MAP3K9: variants seen among roughly 807,000 people sequenced by gnomAD.
MAP3K9 encodes the protein mixed lineage kinase 1 (tyr and ser/thr specificity).
A neutral mutation model predicts 95.8 loss-of-function variants in MAP3K9; 46 were observed. The observed-to-expected ratio is 0.48, with a 90% CI of 0.38 to 0.61. The LOEUF is 0.61. MAP3K9 is among the 20% of genes least tolerant of loss of function. MAP3K9 has a pLI of 0.00. For synonymous variants in MAP3K9, 533 were observed against 593.8 expected, an observed-to-expected ratio of 0.90 and a Z score of 1.49; for missense variants, 1,296 against 1,474.3, an observed-to-expected ratio of 0.88 and a Z score of 1.98.
intron 2 of MAP3K9, among the ~76,000 whole-genome samples, chr14:70,796,603 GGC>G (rs2054866968): frequency 6.6e-6 from 1 of 152,156 alleles, no homozygotes; most frequent in Admixed American, 6.5e-5. Flanking sequence ...GTGATGGCCA[GGC>G]GACCACACTC....
intron 2 of MAP3K9, among the ~76,000 whole-genome samples, chr14:70,781,332 C>T (rs2054673379): frequency 6.6e-6 from 1 of 152,224 alleles, no homozygotes; most frequent in Non-Finnish European, 1.5e-5. Context: ...CCAGCTTCTC[C>T]CAGCTCAGGC....
At chr14:70,798,636 G>A (rs950719571) in intron 2 of MAP3K9, among the ~76,000 whole-genome samples, 2 of 150,896 alleles carry the variant, frequency 1.3e-5, no homozygotes, top group South Asian at 2.1e-4. Context: ...CCGCCACTAC[G>A]CCCGGCTAAT....
chr14:70,781,870 T>C lies in MAP3K9; in HGVS notation c.820+18797A>G, dbSNP rs557877771. Among the ~76,000 whole-genome samples the C allele has an allele frequency of 3.7e-4, 57 of 152,338 alleles. No homozygotes were observed. In the Middle Eastern group the frequency reaches 0.01, roughly 27 times the overall value. On this transcript the variant is annotated intron_variant, in intron 2 of 11. Coordinates refer to ENST00000554752, the MANE Select transcript of MAP3K9 (RefSeq NM_001284230.2). ...ACTTAGAAAGAGGAGCTGTTTCACATGGAAGACTCAACTTCTTGGGAGCAT... is the reference window on the plus strand; with the variant it reads ...ACTTAGAAAGAGGAGCTGTTTCACACGGAAGACTCAACTTCTTGGGAGCAT...
intron 3 of MAP3K9, among the ~76,000 whole-genome samples, chr14:70,750,651 A>T (rs1398458515): frequency 2.0e-5 from 3 of 151,902 alleles, no homozygotes; most frequent in Admixed American, 1.3e-4. Context: ...CGCCCGGCTA[A>T]TTTTTGTATT....
At chr14:70,783,873 C>T (rs891116983) in intron 2 of MAP3K9, among the ~76,000 whole-genome samples, 8 of 152,208 alleles carry the variant, frequency 5.3e-5, no homozygotes, top group Admixed American at 1.3e-4. Flanking sequence ...AATTAACAGA[C>T]GTGTCCAAAC....
In MAP3K9 at chr14:70,808,871, G is replaced by T; in HGVS notation, c.301C>A (p.Gln101Lys). ...TTGCTGGGGAAGATGCCCACCCGCTGGTTCAGCTGCCCGGTCCACCAGCCC... is the reference window on the plus strand; with the variant it reads ...TTGCTGGGGAAGATGCCCACCCGCTTGTTCAGCTGCCCGGTCCACCAGCCC... ...DEGWWTGQLNQRVGIFPSNYV... is the reference protein window; with the variant it reads ...DEGWWTGQLNKRVGIFPSNYV... Residue 101 changes from glutamine to lysine, a missense_variant, in exon 1 of 12, where the codon CAG (glutamine) becomes AAG (lysine). Gln to Lys is a moderately conservative substitution (Grantham distance 53). Transcript: ENST00000554752. 1 of 1,600,322 alleles carries T rather than the reference G, an allele frequency of 6.2e-7. No individual in the cohort carries two copies. The highest frequency in any genetic ancestry group is 8.5e-7 in the Non-Finnish European group (1 of 1,176,138).
intron 5 of MAP3K9, among the ~76,000 whole-genome samples, chr14:70,743,802 C>T (rs916626776): frequency 6.6e-6 from 1 of 152,212 alleles, no homozygotes; most frequent in African/African-American, 2.4e-5. Flanking sequence ...TGTGGCAACT[C>T]CTCAAGGATC....
At chr14:70,759,952 C>T (rs1203126422) in intron 3 of MAP3K9, among the ~76,000 whole-genome samples, 4 of 152,020 alleles carry the variant, frequency 2.6e-5, no homozygotes, top group Non-Finnish European at 4.4e-5. Flanking sequence ...ATGGGGGTCT[C>T]GCTATGTTGC....
At chr14:70,761,553 AG>A (rs1028646712) in intron 2 of MAP3K9, among the ~76,000 whole-genome samples, 28 of 152,296 alleles carry the variant, frequency 1.8e-4, no homozygotes, top group African/African-American at 5.8e-4. Flanking sequence ...ACCTGAGATT[AG>A]GAGTTTGACA....
At position 70,797,804 on chromosome 14, in the gene MAP3K9, A is replaced by G. The variant is rs551268328; in HGVS notation, c.820+2863T>C. Among the ~76,000 whole-genome samples the G allele has an allele frequency of 2.6e-5, 4 of 152,322 alleles. No individual in the cohort carries two copies. The South Asian group carries it at 8.3e-4, about 32-fold the overall frequency. On this transcript the variant is annotated intron_variant, in intron 2 of 11. Coordinates refer to ENST00000554752, the MANE Select transcript of MAP3K9 (RefSeq NM_001284230.2). Reference sequence around the variant, plus strand: ...ATTGCAATGGAGTAAGAATGGTGGTATCATCGAGGCTCATATTAGACGTAT... The same window carrying G: ...ATTGCAATGGAGTAAGAATGGTGGTGTCATCGAGGCTCATATTAGACGTAT...
chr14:70,759,085 T>C lies in MAP3K9; in HGVS notation c.1001+1917A>G, dbSNP rs149883001. 6.4e-3 allele frequency among the ~76,000 whole-genome samples: 967 copies of C among 151,624 alleles called. 11 individuals are homozygous for C. The highest frequency in any genetic ancestry group is 0.021 in the African/African-American group (880 of 41,280). ...AAGGAAATTAGTGTTTGCTAGGGAG[T>C]AGAAGGGGGAAGGATTAGGGAAGGA... On this transcript the variant is annotated intron_variant, in intron 3 of 11. Coordinates refer to ENST00000554752, the MANE Select transcript of MAP3K9 (RefSeq NM_001284230.2).
intron 5 of MAP3K9, among the ~76,000 whole-genome samples, chr14:70,746,115 G>A (rs538525006): frequency 2.6e-5 from 4 of 152,272 alleles, no homozygotes; most frequent in South Asian, 2.1e-4. Context: ...GCTGTTAAGT[G>A]TAAAAGTTTA....
chr14:70,803,675 G>A (rs2054958845), intron 1 of MAP3K9, among the ~76,000 whole-genome samples: 1 of 152,092 alleles, frequency 6.6e-6, no homozygotes, highest in Non-Finnish European at 1.5e-5. Flanking sequence ...GGATGTTAGT[G>A]GATAGTCTTT....
At chr14:70,795,740 C>T (rs1008570882) in intron 2 of MAP3K9, among the ~76,000 whole-genome samples, 3 of 151,526 alleles carry the variant, frequency 2.0e-5, no homozygotes, top group African/African-American at 7.3e-5. Context: ...GATATCTTTA[C>T]TTATTTAACT....
At chr14:70,756,507 G>T (rs577644513) in intron 3 of MAP3K9, among the ~76,000 whole-genome samples, 1 of 152,202 alleles carries the variant, frequency 6.6e-6, no homozygotes, top group East Asian at 1.9e-4. Flanking sequence ...CAGCTAGAAC[G>T]TACATTTTTC....
At chr14:70,767,273 A>G (rs957527883) in intron 2 of MAP3K9, among the ~76,000 whole-genome samples, 4 of 151,222 alleles carry the variant, frequency 2.6e-5, no homozygotes, top group Admixed American at 6.6e-5. Context: ...AGTCCCAGCT[A>G]CTTGGAAGGC....
intron 2 of MAP3K9, among the ~76,000 whole-genome samples, chr14:70,778,586 C>G (rs1032217617): frequency 2.1e-4 from 32 of 152,170 alleles, no homozygotes; most frequent in Non-Finnish European, 1.0e-4. Context: ...AAACTTCTCT[C>G]ATTCTGGCCA....
chr14:70,723,753 T>C lies in MAP3K9; in HGVS notation c.*6627A>G, dbSNP rs2053783232. ...TGTAAGGAGTCAAAAATTATATATA[T>C]ATGAATCACTAGGACAGCACCGCCC... On this transcript the variant is annotated 3_prime_UTR_variant, in exon 12 of 12. Coordinates refer to ENST00000554752, the MANE Select transcript of MAP3K9 (RefSeq NM_001284230.2). The C allele has an allele frequency of 6.6e-6, 1 of 152,108 alleles. No individual in the cohort carries two copies. Among genetic ancestry groups the C allele is most frequent in the African/African-American group, 2.4e-5 (1 of 41,420 alleles). 9.4% of individuals were successfully genotyped at this position (152,108 alleles called of 1,614,324 possible).
chr14:70,761,580 T>C (rs571749774), intron 2 of MAP3K9, among the ~76,000 whole-genome samples: 3 of 152,278 alleles, frequency 2.0e-5, no homozygotes, highest in Non-Finnish European at 2.9e-5. Context: ...CTGGCCAACA[T>C]GGTGAAATCC....
Sources: gnomAD v4.1 joint callset for allele counts (sites outside exome capture counted in the v4.1 genomes callset) on GRCh38, gnomAD v4.1.1 for gene constraint, MANE v1.5 for transcripts, NCBI Gene and HGNC (gene_info 2026-07-23, HGNC 2026-07-21) for gene names.